DDHD1: variants seen among roughly 807,000 people sequenced by gnomAD.
The protein encoded by DDHD1 is DDHD domain containing 1.
Under a neutral mutation model 96.4 loss-of-function variants are expected in DDHD1, and 49 were observed. The observed-to-expected ratio is 0.51, with a 90% CI of 0.40 to 0.64. The LOEUF (loss-of-function observed/expected upper bound fraction) is 0.64. Ranked by LOEUF, DDHD1 falls within the 30% of genes least tolerant of loss-of-function variation. The pLI is 0.00. For missense variants in DDHD1, 1,106 were observed against 1,161.2 expected, an observed-to-expected ratio of 0.95 and a Z score of 0.69; for synonymous variants, 442 against 446.5, an observed-to-expected ratio of 0.99 and a Z score of 0.13.
intron 4 of DDHD1, among the ~76,000 whole-genome samples, chr14:53,077,993 T>C (rs1322247464): frequency 6.6e-6 from 1 of 152,188 alleles, no homozygotes; most frequent in Non-Finnish European, 1.5e-5. Flanking sequence ...AGTATTTCAT[T>C]ATATGGATAC....
At chr14:53,105,949 C>G (rs577494884) in intron 1 of DDHD1, among the ~76,000 whole-genome samples, 2 of 151,712 alleles carry the variant, frequency 1.3e-5, no homozygotes, top group East Asian at 3.9e-4. Context: ...GGTTCTCTCT[C>G]TCTCTCTCCT....
chr14:53,098,241 A>G lies in DDHD1; in HGVS notation c.1013-4797T>C, dbSNP rs921159545. Among the ~76,000 whole-genome samples the G allele has an allele frequency of 2.0e-5, 3 of 152,124 alleles. No individual in the cohort carries two copies. In the East Asian group the frequency reaches 5.8e-4, roughly 29 times the overall value. Reference sequence around the variant, plus strand: ...AAAACACAACTGCAAATGCTAATTTATTAGTGCTAACATTTAATAAAAATT... The same window carrying G: ...AAAACACAACTGCAAATGCTAATTTGTTAGTGCTAACATTTAATAAAAATT... On this transcript the variant is annotated intron_variant, in intron 2 of 12. Coordinates refer to ENST00000673822, the MANE Select transcript of DDHD1 (RefSeq NM_001160148.2).
chr14:53,080,372 A>G (rs1386577227), intron 4 of DDHD1, among the ~76,000 whole-genome samples: 1 of 152,156 alleles, frequency 6.6e-6, no homozygotes, highest in Admixed American at 6.5e-5. Flanking sequence ...AAAACAAAAA[A>G]AAAGACTTTT....
At chr14:53,145,118 C>G (rs1435513633) in intron 1 of DDHD1, among the ~76,000 whole-genome samples, 2 of 152,082 alleles carry the variant, frequency 1.3e-5, no homozygotes, top group East Asian at 3.9e-4. Flanking sequence ...CCACTGCACT[C>G]TAGCCTGGAC....
chr14:53,152,849 G>A lies in DDHD1; in HGVS notation c.250C>T (p.Leu84Phe). Residue 84 changes from leucine (L) to phenylalanine (F), a missense_variant, in exon 1 of 13, where the codon CTC (leucine) becomes TTC (phenylalanine). Around this residue, in one of 2 missense-constraint regions of DDHD1, gnomAD observed 456 missense variants for 402.4 expected, o/e 1.13. Transcript: ENST00000673822. ...HNHHLALDPC[L>F]SDENYDFSSA... ...CTGAAGTCATAGTTCTCGTCACTGA[G>A]GCAGGGGTCCAGCGCGAGGTGGTGG... 1 of 1,612,198 alleles carries A rather than the reference G, an allele frequency of 6.2e-7. No individual in the cohort carries two copies. The highest frequency in any genetic ancestry group is 8.5e-7 in the Non-Finnish European group (1 of 1,179,350).
intron 4 of DDHD1, among the ~76,000 whole-genome samples, chr14:53,080,328 A>G (rs1185928371): frequency 6.6e-6 from 1 of 152,180 alleles, no homozygotes; most frequent in African/African-American, 2.4e-5. Flanking sequence ...GCCACTGCAC[A>G]ACAGTCTGGG....
intron 4 of DDHD1, among the ~76,000 whole-genome samples, 166 bp from the exon 5 acceptor site, chr14:53,074,013 G>A (rs550869634): frequency 6.6e-6 from 1 of 152,034 alleles, no homozygotes; most frequent in East Asian, 1.9e-4. Context: ...GCAATACTAG[G>A]ATACCTTCAT....
At chr14:53,112,698 T>C (rs947896477) in intron 1 of DDHD1, among the ~76,000 whole-genome samples, 2 of 152,236 alleles carry the variant, frequency 1.3e-5, no homozygotes, top group African/African-American at 4.8e-5. Flanking sequence ...TTTCTACTCC[T>C]ATTTGTGTAA....
In DDHD1 at chr14:53,054,642, A is replaced by T. The variant is rs1249540831; in HGVS notation, c.2246-13T>A. The T allele has an allele frequency of 6.2e-7, 1 of 1,611,432 alleles. No homozygotes were observed. Among genetic ancestry groups the T allele is most frequent in the African/African-American group, 1.3e-5 (1 of 74,876 alleles). On this transcript the variant is annotated splice_polypyrimidine_tract_variant and intron_variant, in intron 10 of 12. Coordinates refer to ENST00000673822, the MANE Select transcript of DDHD1 (RefSeq NM_001160148.2). ...ATGCTAGCAGCCCCTGTATTTCACA[A>T]AGCAGGGTAGTCATTCTGTTGAATC...
At chr14:53,111,953 A>AT (rs942995641) in intron 1 of DDHD1, among the ~76,000 whole-genome samples, 1 of 152,200 alleles carries the variant, frequency 6.6e-6, no homozygotes. Context: ...ATAAATTTAC[A>AT]TTTTCAAGGC....
intron 4 of DDHD1, among the ~76,000 whole-genome samples, chr14:53,078,073 T>A (rs1293967930): frequency 2.0e-5 from 3 of 152,194 alleles, no homozygotes; most frequent in Non-Finnish European, 4.4e-5. Flanking sequence ...CTATCATGAA[T>A]AATGCTTCTA....
chr14:53,103,973 C>A, intron 1 of DDHD1, 117 bp from the exon 2 acceptor site: 2 of 797,128 alleles, frequency 2.5e-6, no homozygotes, highest in South Asian at 4.4e-5. Flanking sequence ...ATTTTCATGA[C>A]CCAATACAAT....
chr14:53,128,321 A>G (rs1429264305), intron 1 of DDHD1, among the ~76,000 whole-genome samples: 1 of 152,192 alleles, frequency 6.6e-6, no homozygotes, highest in African/African-American at 2.4e-5. Context: ...TAAAGTTGGT[A>G]GCTTTTAACA....
At chr14:53,092,634 A>G (rs1249201373) in intron 3 of DDHD1, 1 of 152,208 alleles carries the variant, frequency 6.6e-6, no homozygotes, top group African/African-American at 2.4e-5. Context: ...CTTGTGCCCA[A>G]AAATTTGAGA....
intron 4 of DDHD1, among the ~76,000 whole-genome samples, chr14:53,081,897 G>A (rs573871711): frequency 1.3e-5 from 2 of 152,114 alleles, no homozygotes; most frequent in South Asian, 2.1e-4. Context: ...AAAATAATGA[G>A]GGAAGGAGAA....
chr14:53,128,114 G>T (rs948017030), intron 1 of DDHD1, among the ~76,000 whole-genome samples: 1 of 152,166 alleles, frequency 6.6e-6, no homozygotes, highest in East Asian at 1.9e-4. Context: ...GAAGAAGGAC[G>T]AGTTTGCTTC....
intron 12 of DDHD1, among the ~76,000 whole-genome samples, chr14:53,050,013 C>T (rs968570098): frequency 3.4e-4 from 51 of 152,204 alleles, no homozygotes; most frequent in African/African-American, 1.2e-3. Flanking sequence ...TCAGAGAATT[C>T]TTTTGTGCAC....
chr14:53,093,754 G>A (rs1432783158), intron 2 of DDHD1: 7 of 281,100 alleles, frequency 2.5e-5, no homozygotes, highest in South Asian at 1.1e-4. Flanking sequence ...CTGCTTTCCC[G>A]GGTGATGTGG....
intron 4 of DDHD1, among the ~76,000 whole-genome samples, chr14:53,076,888 G>A (rs1762207961): frequency 6.6e-6 from 1 of 152,174 alleles, no homozygotes; most frequent in South Asian, 2.1e-4. Context: ...GATTTTTAAA[G>A]ACATTATGCT....
Sources: gnomAD v4.1 joint callset for allele counts (sites outside exome capture counted in the v4.1 genomes callset) on GRCh38, gnomAD v4.1.1 for gene constraint, gnomAD v4.1.1 regional missense constraint, MANE v1.5 for transcripts, NCBI Gene and HGNC (gene_info 2026-07-23, HGNC 2026-07-21) for gene names.